The following DOCK10 variants were observed in gnomAD, a reference collection of about 807,000 sequenced individuals.
DOCK10 encodes the protein dedicator of cytokinesis protein 10.
In DOCK10, 145 loss-of-function variants were observed where a neutral mutation model predicts 280.1. The observed-to-expected ratio is 0.52, with a 90% CI of 0.45 to 0.59. The LOEUF (loss-of-function observed/expected upper bound fraction) is 0.59, where lower values mean the gene tolerates loss of function less well. Ranked by LOEUF, DOCK10 falls within the 20% of genes least tolerant of loss-of-function variation. The pLI, the probability that DOCK10 is intolerant of heterozygous loss-of-function variation, is 0.00. For missense variants in DOCK10, 2,368 were observed against 2,651.7 expected (o/e 0.89, Z 2.35); for synonymous variants, 915 against 942.2 (o/e 0.97, Z 0.53).
chr2:225,028,498 G>A (rs1339781673), intron 1 of DOCK10, among the ~76,000 whole-genome samples: 1 of 152,108 alleles, frequency 6.6e-6, no homozygotes, highest in Non-Finnish European at 1.5e-5. Context: ...AGCCTGGTGA[G>A]ACCCTCACCA....
Position 224,765,672 on chromosome 2 carries a change from T to C in DOCK10, c.*49A>G. 1 of 1,303,064 alleles carries C rather than the reference T, an allele frequency of 7.7e-7. No homozygotes were observed. Among genetic ancestry groups the C allele is most frequent in the Non-Finnish European group, 1.1e-6 (1 of 914,962 alleles). 80.7% of individuals were successfully genotyped at this position (1,303,064 alleles called of 1,614,324 possible). On this transcript the variant is annotated 3_prime_UTR_variant, in exon 56 of 56. Transcript: ENST00000258390. The stretch of plus-strand genomic sequence containing the variant: ...TATCTTTCTCTTCCCCGAGATTAGC[T>C]GCAAATTCAGAAAGTTCTCTTAGAG...
intron 27 of DOCK10, among the ~76,000 whole-genome samples, chr2:224,828,725 G>T (rs1695027464): frequency 6.6e-6 from 1 of 152,158 alleles, no homozygotes; most frequent in African/African-American, 2.4e-5. Context: ...GGAGCCAGGG[G>T]GCTGTGAGTA....
chr2:224,852,037 G>A (rs907679354), intron 18 of DOCK10, among the ~76,000 whole-genome samples: 7 of 152,188 alleles, frequency 4.6e-5, no homozygotes, highest in Non-Finnish European at 7.3e-5. Context: ...TACGAGGGCC[G>A]GCTGGGGTGT....
chr2:224,846,608 T>C (rs1051702899), intron 19 of DOCK10, among the ~76,000 whole-genome samples: 2 of 151,426 alleles, frequency 1.3e-5, no homozygotes, highest in African/African-American at 4.8e-5. Context: ...GTGATTCTCC[T>C]GCCTCAGCCT....
Position 224,773,248 on chromosome 2 carries a change from T to C in DOCK10, c.6113A>G (p.Lys2038Arg), listed in dbSNP as rs779271747. ...AAGCTGATTAAGCTCAGAAACCTTC[T>C]TGGACATCTCGTCAATTGCCACTTC... ...PIEVAIDEMS[K>R]KVSELNQLCT... Residue 2038 changes from lysine (K) to arginine (R), a missense_variant, in exon 53 of 56, where the codon AAG becomes AGG. Physicochemically the swap from Lys to Arg is conservative, Grantham distance 26 (BLOSUM62 2). Coordinates refer to ENST00000258390, the MANE Select transcript of DOCK10 (RefSeq NM_014689.3). 3.1e-6 allele frequency: 5 copies of C among 1,614,020 alleles called. No individual in the cohort carries two copies. Among genetic ancestry groups the C allele is most frequent in the Non-Finnish European group, 8.5e-7 (1 of 1,179,888 alleles).
chr2:224,945,060 C>A (rs1703318004), intron 1 of DOCK10, among the ~76,000 whole-genome samples: 1 of 152,192 alleles, frequency 6.6e-6, no homozygotes, highest in Non-Finnish European at 1.5e-5. Context: ...CTCTTGCCAA[C>A]ACTGTATGAG....
chr2:224,785,644 C>A lies in DOCK10; in HGVS notation c.5655+1378G>T, dbSNP rs559760513. Among the ~76,000 whole-genome samples, 11 of 152,110 alleles carry A rather than the reference C, an allele frequency of 7.2e-5. No homozygotes were observed. The East Asian group carries it at 2.1e-3, about 30-fold the overall frequency. ...TACAGACGCCTGCCACCACACCCGG[C>A]TAATTTTTTGTATTTTTAGTAGAGA... is the stretch of plus-strand genomic sequence containing the variant. On this transcript the variant is annotated intron_variant, in intron 50 of 55. Transcript: ENST00000258390.
intron 1 of DOCK10, among the ~76,000 whole-genome samples, chr2:225,013,090 C>T (rs1180903441): frequency 6.6e-6 from 1 of 152,068 alleles, no homozygotes; most frequent in Non-Finnish European, 1.5e-5. Flanking sequence ...TATTCATTTT[C>T]CTCATATTTC....
At chr2:224,797,472 C>T (rs1488939131) in intron 42 of DOCK10, among the ~76,000 whole-genome samples, 23 of 152,106 alleles carry the variant, frequency 1.5e-4, no homozygotes, top group Non-Finnish European at 1.5e-5. Context: ...TATTTACAAG[C>T]GTCCTCAAAG....
At chr2:224,871,446 A>G (rs1698279310) in intron 11 of DOCK10, among the ~76,000 whole-genome samples, 1 of 152,180 alleles carries the variant, frequency 6.6e-6, no homozygotes, top group African/African-American at 2.4e-5. Context: ...GCCATGCAAT[A>G]AACGGTGGTA....
chr2:224,852,134 T>C (rs1696787171), intron 18 of DOCK10, among the ~76,000 whole-genome samples: 1 of 152,232 alleles, frequency 6.6e-6, no homozygotes, highest in South Asian at 2.1e-4. Context: ...TTGGCATTTA[T>C]TTCACATGAG....
At chr2:224,886,386 C>T (rs2304335) in intron 5 of DOCK10, 73 bp downstream of exon 5, 102,206 of 1,521,864 alleles carry the variant, frequency 0.067, 3,777 homozygotes, top group South Asian at 0.089. Context: ...GGTCAGAACT[C>T]GAAACTTTCA....
chr2:224,844,206 A>G (rs1559541151), intron 22 of DOCK10, among the ~76,000 whole-genome samples: 2 of 152,094 alleles, frequency 1.3e-5, no homozygotes, highest in South Asian at 2.1e-4. Context: ...TCTCAGCTCA[A>G]CGCAACCTCT....
rs1340923765 is a variant in DOCK10, at chr2:224,846,832, C to T, written c.2236-1190G>A. ...TAACTTTTTGATTTTTGTTGTTGTT[C>T]TTGTTGTAGAGACAGATGTCTTACT... On this transcript the variant is annotated intron_variant, in intron 19 of 55. Coordinates refer to ENST00000258390, the MANE Select transcript of DOCK10 (RefSeq NM_014689.3). 4.6e-5 allele frequency among the ~76,000 whole-genome samples: 7 copies of T among 152,140 alleles called. No individual in the cohort carries two copies. In the East Asian group the frequency reaches 9.6e-4, roughly 21 times the overall value.
At chr2:225,015,307 T>G (rs967630767) in intron 1 of DOCK10, among the ~76,000 whole-genome samples, 1 of 152,226 alleles carries the variant, frequency 6.6e-6, no homozygotes, top group Non-Finnish European at 1.5e-5. Flanking sequence ...CTTTGCAGTT[T>G]AGGTGACTGA....
chr2:225,017,613 C>A (rs1689648820), intron 1 of DOCK10, among the ~76,000 whole-genome samples: 1 of 150,698 alleles, frequency 6.6e-6, no homozygotes, highest in Non-Finnish European at 1.5e-5. Flanking sequence ...TTAACTGAAT[C>A]CCTTAGTAAT....
intron 1 of DOCK10, among the ~76,000 whole-genome samples, chr2:224,952,951 C>A (rs6707711): frequency 7.2e-5 from 11 of 152,160 alleles, no homozygotes; most frequent in African/African-American, 2.4e-4. Context: ...CTATCCAATC[C>A]GGAAATGGCA....
rs575933042 is a variant in DOCK10 at position 224,791,269 on chromosome 2, A to C, written c.5311+1705T>G. Among the ~76,000 whole-genome samples the C allele has an allele frequency of 7.2e-5, 11 of 152,300 alleles. No homozygotes were observed. In the South Asian group the frequency reaches 2.3e-3, roughly 32 times the overall value. On this transcript the variant is annotated intron_variant, in intron 47 of 55. Transcript: ENST00000258390. The stretch of plus-strand genomic sequence containing the variant: ...ATGAGGAGGAAGGGCATGTTAAATA[A>C]GGCAATGATGTGTTTGATGACATGC...
chr2:224,997,436 T>G (rs1706306011), intron 1 of DOCK10, among the ~76,000 whole-genome samples: 2 of 152,142 alleles, frequency 1.3e-5, no homozygotes, highest in Admixed American at 1.3e-4. Context: ...TTCACCATGT[T>G]AGCCAGGCTG....
Sources: allele counts gnomAD v4.1 joint callset (sites outside exome capture counted in the v4.1 genomes callset), GRCh38; gene constraint gnomAD v4.1.1; transcripts MANE v1.5; gene names NCBI Gene and HGNC (gene_info 2026-07-23, HGNC 2026-07-21).